The following KCNIP4 variants were observed in gnomAD, a reference collection of about 807,000 sequenced individuals.
KCNIP4 encodes the protein Kv channel-interacting protein 4.
Under a neutral mutation model 34.0 loss-of-function variants are expected in KCNIP4, and 12 were observed. The observed-to-expected ratio is 0.35, with a 90% CI of 0.23 to 0.57. The LOEUF (loss-of-function observed/expected upper bound fraction) is 0.57. KCNIP4 is among the 20% of genes least tolerant of loss of function. The probability of loss-of-function intolerance (pLI) is 0.83; values close to 1 mark genes in which losing one functional copy is unlikely to be tolerated. For missense variants in KCNIP4, 238 were observed against 311.7 expected (o/e 0.76, Z 1.78); for synonymous variants, 124 against 102.2 (o/e 1.21, Z -1.29).
In KCNIP4 at chr4:21,458,393, T is replaced by C. The variant is rs1729149284; in HGVS notation, c.61+490178A>G. On this transcript the variant is annotated intron_variant, in intron 1 of 8. Transcript: ENST00000382152. ...CACATTTTCTTAATCCAGTCTATCA[T>C]TGTTGGACATTTGGGTTGGTTCCAA... 3.9e-5 allele frequency among the ~76,000 whole-genome samples: 6 copies of C among 152,036 alleles called. No homozygotes were observed. The South Asian group carries it at 1.2e-3, about 32-fold the overall frequency.
intron 1 of KCNIP4, among the ~76,000 whole-genome samples, chr4:21,146,120 C>T (rs1381192691): frequency 6.6e-6 from 1 of 152,122 alleles, no homozygotes; most frequent in Non-Finnish European, 1.5e-5. Flanking sequence ...GAGACTCGGC[C>T]GGGCGCAGTG....
chr4:21,679,093 C>T (rs1181925530), intron 1 of KCNIP4, among the ~76,000 whole-genome samples: 1 of 152,154 alleles, frequency 6.6e-6, no homozygotes, highest in Non-Finnish European at 1.5e-5. Context: ...ATCCAACCTG[C>T]TCATACCCTG....
chr4:21,519,378 A>G (rs1428390648), intron 1 of KCNIP4, among the ~76,000 whole-genome samples: 1 of 150,462 alleles, frequency 6.6e-6, no homozygotes, highest in Non-Finnish European at 1.5e-5. Flanking sequence ...ACACACGTAT[A>G]TGTATGTGTA....
At chr4:21,900,049 A>C (rs1386557146) in intron 1 of KCNIP4, among the ~76,000 whole-genome samples, 1 of 152,210 alleles carries the variant, frequency 6.6e-6, no homozygotes, top group African/African-American at 2.4e-5. Context: ...ACAGCATGGT[A>C]CTAGCAGACA....
intron 1 of KCNIP4, among the ~76,000 whole-genome samples, chr4:21,190,418 C>G (rs4697211): frequency 0.24 from 36,601 of 151,580 alleles, 4,756 homozygotes; most frequent in African/African-American, 0.35. Flanking sequence ...TGGAGGAGAG[C>G]ACCGCCCAAC....
At position 21,098,774 on chromosome 4, in the gene KCNIP4, T is replaced by G. The variant is rs148809208; in HGVS notation, c.62-216065A>C. ...ATCCATTCTGTAGCTCATGGATCAATGAATAATTTTGATTTTCTCATGTAA... is the reference window on the plus strand; with the variant it reads ...ATCCATTCTGTAGCTCATGGATCAAGGAATAATTTTGATTTTCTCATGTAA... On this transcript the variant is annotated intron_variant, in intron 1 of 8. Transcript: ENST00000382152. 4.7e-4 allele frequency among the ~76,000 whole-genome samples: 71 copies of G among 152,306 alleles called. No individual in the cohort carries two copies. In the East Asian group the frequency reaches 0.012, roughly 26 times the overall value.
intron 1 of KCNIP4, among the ~76,000 whole-genome samples, chr4:21,514,113 T>G (rs994434328): frequency 3.3e-5 from 5 of 152,224 alleles, no homozygotes; most frequent in African/African-American, 1.2e-4. Flanking sequence ...AACGTGAGGC[T>G]GTCAGACCTT....
Position 21,870,566 on chromosome 4 carries a change from A to G in KCNIP4, c.61+78005T>C, listed in dbSNP as rs1214080192. 4.6e-5 allele frequency among the ~76,000 whole-genome samples: 7 copies of G among 152,354 alleles called. No individual in the cohort carries two copies. The East Asian group carries it at 1.4e-3, about 29-fold the overall frequency. On this transcript the variant is annotated intron_variant, in intron 1 of 8. Transcript: ENST00000382152. ...CTTTTGCATACTTGACCTCATCAGT[A>G]TGAGTATGTATGAACAGCTCCCATA...
rs529947614 is a variant in KCNIP4 at position 21,415,977 on chromosome 4, C to T, written c.61+532594G>A. Among the ~76,000 whole-genome samples, 10 of 152,210 alleles carry T rather than the reference C, an allele frequency of 6.6e-5. No homozygotes were observed. In the South Asian group the frequency reaches 1.2e-3, roughly 19 times the overall value. ...TCTTCCGACGTAGGCATTTTAATCACGGTAAAATGAGAAGCTTCTGTAAAG... is the reference window on the plus strand; with the variant it reads ...TCTTCCGACGTAGGCATTTTAATCATGGTAAAATGAGAAGCTTCTGTAAAG... On this transcript the variant is annotated intron_variant, in intron 1 of 8. Transcript: ENST00000382152.
intron 2 of KCNIP4, among the ~76,000 whole-genome samples, chr4:20,865,609 G>C (rs932290386): frequency 3.9e-5 from 6 of 151,946 alleles, no homozygotes; most frequent in African/African-American, 1.4e-4. Context: ...GCAAAACGCA[G>C]AGAAAGAAAA....
intron 1 of KCNIP4, among the ~76,000 whole-genome samples, chr4:21,297,038 G>A (rs932527500): frequency 6.6e-6 from 1 of 151,462 alleles, no homozygotes. Flanking sequence ...ATGTGTGTGT[G>A]CGTGTGTTTG....
rs1011574508 is a variant in KCNIP4 at position 20,803,997 on chromosome 4, C to T, written c.289-45107G>A. On this transcript the variant is annotated intron_variant, in intron 3 of 8. Transcript: ENST00000382152. ...AACTAAGGATAGTGATTACTTAATT[C>T]CCAAAGTAGTTGTGATGATCAAATG... Among the ~76,000 whole-genome samples the T allele has an allele frequency of 3.3e-5, 5 of 152,086 alleles. No individual in the cohort carries two copies. In the East Asian group the frequency reaches 9.7e-4, roughly 29 times the overall value.
At chr4:20,945,476 A>G (rs1732096269) in intron 1 of KCNIP4, among the ~76,000 whole-genome samples, 1 of 152,218 alleles carries the variant, frequency 6.6e-6, no homozygotes, top group African/African-American at 2.4e-5. Context: ...CCTTGTTGGT[A>G]TACAATGTCA....
chr4:20,864,365 G>C (rs1217022573), intron 2 of KCNIP4, among the ~76,000 whole-genome samples: 2 of 150,362 alleles, frequency 1.3e-5, no homozygotes, highest in Non-Finnish European at 3.0e-5. Flanking sequence ...ATGTATATAT[G>C]TATGTTATAC....
chr4:21,818,560 C>T (rs1722130939), intron 1 of KCNIP4, among the ~76,000 whole-genome samples: 2 of 152,196 alleles, frequency 1.3e-5, no homozygotes, highest in African/African-American at 4.8e-5. Context: ...ATTAACAATT[C>T]AGCTCTTCAG....
rs75819361 is a variant in KCNIP4 at position 21,413,326 on chromosome 4, T to G, written c.62-530617A>C. Among the ~76,000 whole-genome samples the G allele has an allele frequency of 4.7e-3, 714 of 152,284 alleles. 13 individuals carry two copies. The East Asian group carries it at 0.088, about 19-fold the overall frequency. On this transcript the variant is annotated intron_variant, in intron 1 of 8. Transcript: ENST00000382152. ...ATTCATCGAGAAATGGCCATGGAAC[T>G]TTGATCCCTAGCCCTGAAGTCTGCT...
intron 1 of KCNIP4, among the ~76,000 whole-genome samples, chr4:21,087,875 C>T (rs1009099661): frequency 3.9e-5 from 6 of 152,116 alleles, no homozygotes; most frequent in Non-Finnish European, 7.4e-5. Context: ...GCCTCTTATT[C>T]CCTCAGTAGA....
chr4:21,612,424 T>A (rs1293931511), intron 1 of KCNIP4, among the ~76,000 whole-genome samples: 3 of 152,180 alleles, frequency 2.0e-5, no homozygotes, highest in Admixed American at 6.5e-5. Flanking sequence ...CTAGTCTGGG[T>A]AACATAGCAA....
At chr4:21,141,787 C>A (rs978430387) in intron 1 of KCNIP4, among the ~76,000 whole-genome samples, 6 of 151,440 alleles carry the variant, frequency 4.0e-5, no homozygotes, top group African/African-American at 1.5e-4. Flanking sequence ...TAGGGCATTA[C>A]AAAAGGTAAT....
Sources: gnomAD v4.1 joint callset for allele counts (sites outside exome capture counted in the v4.1 genomes callset) on GRCh38, gnomAD v4.1.1 for gene constraint, MANE v1.5 for transcripts, NCBI Gene and HGNC (gene_info 2026-07-23, HGNC 2026-07-21) for gene names.